PCDHGB1: variants seen among roughly 807,000 people sequenced by gnomAD.
The protein encoded by PCDHGB1 is protocadherin gamma subfamily B, 1, also known as protocadherin gamma-B1.
In PCDHGB1, 34 loss-of-function variants were observed where a neutral mutation model predicts 56.6. The observed-to-expected ratio is 0.60, with a 90% CI of 0.46 to 0.80. The LOEUF (loss-of-function observed/expected upper bound fraction) is 0.80. PCDHGB1 is among the 30% of genes least tolerant of loss of function. The pLI, the probability that PCDHGB1 is intolerant of heterozygous loss-of-function variation, is 0.00. For synonymous variants in PCDHGB1, 561 were observed against 505.9 expected (o/e 1.11, Z -1.46); for missense variants, 1,278 against 1,204.6 (o/e 1.06, Z -0.90).
intron 1 of PCDHGB1, among the ~76,000 whole-genome samples, chr5:141,475,285 A>G (rs2099361212): frequency 6.6e-6 from 1 of 152,244 alleles, no homozygotes; most frequent in Non-Finnish European, 1.5e-5. Context: ...AAGACAGGGT[A>G]GGGAAATTTC....
At chr5:141,375,345 C>G (rs749825552) in intron 1 of PCDHGB1, 9 of 1,613,740 alleles carry the variant, frequency 5.6e-6, no homozygotes, top group African/African-American at 1.3e-5. Context: ...TACAACATCA[C>G]TGTGACAGCC....
chr5:141,385,604 CAT>C, intron 1 of PCDHGB1: 1 of 1,188,174 alleles, frequency 8.4e-7, no homozygotes, highest in Non-Finnish European at 1.1e-6. Flanking sequence ...TTTCTTAACT[CAT>C]ATATTTTATA....
In PCDHGB1 at chr5:141,491,632, C is replaced by T; in HGVS notation, c.2410-3175C>T. On this transcript the variant is annotated intron_variant, in intron 1 of 3. Transcript: ENST00000523390. This position sits in a 1 kb window ranked among gnomAD's most constrained non-coding sequence, Gnocchi z 6.9. ...TCTAAGACCCCTCAGCGTTCAGCAG[C>T]CCACAGCTCTGGCGCTGGAGCCTGA... 1.2e-6 allele frequency: 2 copies of T among 1,613,886 alleles called. No individual in the cohort carries two copies. The highest frequency in any genetic ancestry group is 1.7e-6 in the Non-Finnish European group (2 of 1,179,994).
intron 1 of PCDHGB1, among the ~76,000 whole-genome samples, chr5:141,387,064 G>A (rs2090802887): frequency 6.6e-6 from 1 of 152,174 alleles, no homozygotes; most frequent in Admixed American, 6.5e-5. Context: ...ATGAGGAGAG[G>A]AGTAGGCTAC....
At chr5:141,497,478 C>A (rs974494984) in intron 2 of PCDHGB1, among the ~76,000 whole-genome samples, 1 of 150,954 alleles carries the variant, frequency 6.6e-6, no homozygotes, top group African/African-American at 2.4e-5. Flanking sequence ...GGAGAAGGTG[C>A]GGAACCTCTC....
rs765751691 is a variant in PCDHGB1 at position 141,431,363 on chromosome 5, C to G, written c.2410-63444C>G. The G allele has an allele frequency of 6.2e-7, 1 of 1,614,024 alleles. No individual in the cohort carries two copies. The highest frequency in any genetic ancestry group is 2.2e-5 in the East Asian group (1 of 44,882). ...ATTGGTGCTGAAACGCGCCCTGGAC[C>G]GCGAAGAAAAGGCTGCTCACCACCT... is the stretch of plus-strand genomic sequence containing the variant. On this transcript the variant is annotated intron_variant, in intron 1 of 3. Transcript: ENST00000523390. This position sits in a 1 kb window ranked among gnomAD's most constrained non-coding sequence, Gnocchi z 4.8.
chr5:141,510,821 C>G, intron 3 of PCDHGB1, 126 bp from the exon 4 acceptor site: 2 of 1,559,324 alleles, frequency 1.3e-6, no homozygotes, highest in Non-Finnish European at 1.7e-6. Context: ...CCCCTATATT[C>G]CCAGTGCTCA....
intron 1 of PCDHGB1, chr5:141,410,140 G>C: frequency 6.2e-7 from 1 of 1,612,782 alleles, no homozygotes; most frequent in Non-Finnish European, 8.5e-7. Context: ...TGGTCGCTGT[G>C]CGTGACGGTG....
At chr5:141,385,591 T>C in intron 1 of PCDHGB1, 3 of 1,245,038 alleles carry the variant, frequency 2.4e-6, no homozygotes, top group Non-Finnish European at 3.0e-6. Context: ...TGTTCCAACC[T>C]ACTTTCTTAA....
rs556498014 is a variant in PCDHGB1, at chr5:141,368,537, TC to T, written c.2409+15870del. On this transcript the variant is annotated intron_variant, in intron 1 of 3. Coordinates refer to ENST00000523390, the MANE Select transcript of PCDHGB1 (RefSeq NM_018922.3). ...TCACTCCTATGTGAAAACTTGCTTT[TC>T]CATTTTTTTTAAAAGAAAATGTTAT... Among the ~76,000 whole-genome samples the T allele has an allele frequency of 2.0e-3, 312 of 152,342 alleles. 1 individual carries two copies. Among genetic ancestry groups the T allele is most frequent in the Middle Eastern group, 0.01 (3 of 294 alleles).
chr5:141,365,146 A>T (rs780914811), intron 1 of PCDHGB1: 6 of 1,613,932 alleles, frequency 3.7e-6, no homozygotes, highest in Non-Finnish European at 4.2e-6. Flanking sequence ...CAGATGAGGG[A>T]ATAAACGGGA....
At chr5:141,483,816 A>G (rs2099587505) in intron 1 of PCDHGB1, among the ~76,000 whole-genome samples, 1 of 152,172 alleles carries the variant, frequency 6.6e-6, no homozygotes, top group Admixed American at 6.5e-5. Context: ...TTTGGCAGCC[A>G]GTGTAACCTA....
chr5:141,409,251 CTT>C (rs771889477), intron 1 of PCDHGB1: 78 of 1,613,922 alleles, frequency 4.8e-5, no homozygotes, highest in Non-Finnish European at 6.2e-5. Context: ...ATAATCATCA[CTT>C]CTCTCTCTGA....
chr5:141,466,014 C>T (rs962233749), intron 1 of PCDHGB1, among the ~76,000 whole-genome samples: 75 of 151,848 alleles, frequency 4.9e-4, no homozygotes, highest in African/African-American at 1.2e-3. Flanking sequence ...CCCAGCTACT[C>T]GGGAGGGTGA....
At chr5:141,470,628 G>T (rs1475199767) in intron 1 of PCDHGB1, among the ~76,000 whole-genome samples, 12 of 152,146 alleles carry the variant, frequency 7.9e-5, no homozygotes, top group Admixed American at 7.9e-4. Flanking sequence ...GCTTAGATAG[G>T]CCCCCTTGCT....
chr5:141,445,025 C>T (rs2154560886), intron 1 of PCDHGB1, among the ~76,000 whole-genome samples: 2 of 152,200 alleles, frequency 1.3e-5, no homozygotes, highest in Middle Eastern at 6.8e-3. Flanking sequence ...TTTCTCTCAG[C>T]TATGTTGTAT....
In PCDHGB1 at chr5:141,431,304, T is replaced by G. The variant is rs749116196; in HGVS notation, c.2410-63503T>G. The G allele has an allele frequency of 7.4e-6, 12 of 1,614,104 alleles. No individual in the cohort carries two copies. Among genetic ancestry groups the G allele is most frequent in the Non-Finnish European group, 9.3e-6 (11 of 1,180,030 alleles). On this transcript the variant is annotated intron_variant, in intron 1 of 3. Coordinates refer to ENST00000523390, the MANE Select transcript of PCDHGB1 (RefSeq NM_018922.3). The surrounding 1 kb of genome is among the most constrained non-coding windows in gnomAD (Gnocchi z 4.8). ...CCGAACACTCACTTCTCCCTCATCGTGCAAAATGGAGCCGACGGTAGTAAG... is the reference window on the plus strand; with the variant it reads ...CCGAACACTCACTTCTCCCTCATCGGGCAAAATGGAGCCGACGGTAGTAAG...
chr5:141,397,648 C>T (rs1045102412), intron 1 of PCDHGB1, among the ~76,000 whole-genome samples: 5 of 152,148 alleles, frequency 3.3e-5, no homozygotes, highest in African/African-American at 1.2e-4. Context: ...GGTATGTTTG[C>T]AGAATGGTGA....
chr5:141,486,271 C>T lies in PCDHGB1; in HGVS notation c.2410-8536C>T. 1 of 1,614,086 alleles carries T rather than the reference C, an allele frequency of 6.2e-7. No homozygotes were observed. Among genetic ancestry groups the T allele is most frequent in the Non-Finnish European group, 8.5e-7 (1 of 1,179,994 alleles). ...CCCTCCCCGAGAGTGCAGAACCTGG[C>T]ACTGTGGTGGCACTTATCAGTGTGC... On this transcript the variant is annotated intron_variant, in intron 1 of 3. Coordinates refer to ENST00000523390, the MANE Select transcript of PCDHGB1 (RefSeq NM_018922.3). The surrounding 1 kb of genome is among the most constrained non-coding windows in gnomAD (Gnocchi z 5.0).
Sources: allele counts gnomAD v4.1 joint callset (sites outside exome capture counted in the v4.1 genomes callset), GRCh38; gene constraint gnomAD v4.1.1; non-coding constraint Gnocchi (gnomAD v3.1); transcripts MANE v1.5; gene names NCBI Gene and HGNC (gene_info 2026-07-23, HGNC 2026-07-21).